ABCB7: variants seen among roughly 807,000 people sequenced by gnomAD.
ABCB7 encodes the protein ATP binding cassette subfamily B member 7, also known as iron-sulfur clusters transporter ABCB7, mitochondrial.
A neutral mutation model predicts 54.4 loss-of-function variants in ABCB7; 7 were observed. The observed-to-expected ratio is 0.13, with a 90% CI of 0.07 to 0.24. ABCB7 has a LOEUF of 0.24. ABCB7 is among the 10% of genes least tolerant of loss of function. ABCB7 has a pLI of 1.00. For synonymous variants in ABCB7, 218 were observed against 207.1 expected, an observed-to-expected ratio of 1.05 and a Z score of -0.45; for missense variants, 356 against 570.4, an observed-to-expected ratio of 0.62 and a Z score of 3.83.
chrX:75,088,846 CAA>C (rs58687438), intron 4 of ABCB7, among the ~76,000 whole-genome samples: 2 of 90,867 alleles, frequency 2.2e-5, no homozygotes, highest in Admixed American at 1.2e-4. Flanking sequence ...ACAAAAGAAA[CAA>C]AAAAAAAAAC....
intron 13 of ABCB7, 140 bp from the exon 14 acceptor site, chrX:75,062,571 T>C: frequency 2.0e-6 from 1 of 511,385 alleles, no homozygotes; most frequent in South Asian, 2.8e-5. Context: ...TACTGAGTTG[T>C]AGAGTTGAAG....
intron 3 of ABCB7, among the ~76,000 whole-genome samples, chrX:75,106,744 AT>A (rs1361900170): frequency 1.8e-5 from 2 of 111,568 alleles, no homozygotes; most frequent in Non-Finnish European, 3.8e-5. Flanking sequence ...ATCAACCTAA[AT>A]GTCCATCAAC....
chrX:75,120,862 C>T (rs1489501886), intron 1 of ABCB7, among the ~76,000 whole-genome samples: 3 of 110,391 alleles, frequency 2.7e-5, no homozygotes, highest in Non-Finnish European at 5.7e-5. Flanking sequence ...CCAGATTATC[C>T]TGGGACCTCA....
At chrX:75,101,928 A>G (rs1429281821) in intron 3 of ABCB7, among the ~76,000 whole-genome samples, 1 of 112,087 alleles carries the variant, frequency 8.9e-6, no homozygotes, top group African/African-American at 3.2e-5. Context: ...ATCATGCATT[A>G]TGAGTCCATT....
At chrX:75,125,345 AT>A (rs1271455081) in intron 1 of ABCB7, among the ~76,000 whole-genome samples, 3 of 111,988 alleles carry the variant, frequency 2.7e-5, no homozygotes, top group Non-Finnish European at 3.8e-5. Flanking sequence ...GACAAATGAT[AT>A]CTAATGAATT....
At chrX:75,097,616 G>A (rs1196570725) in intron 4 of ABCB7, 1 of 111,088 alleles carries the variant, frequency 9.0e-6, no homozygotes, top group Non-Finnish European at 1.9e-5. Flanking sequence ...AGCAAATAAA[G>A]GAGAGTATAC....
intron 1 of ABCB7, among the ~76,000 whole-genome samples, chrX:75,131,817 C>A (rs956398769): frequency 1.3e-4 from 14 of 111,895 alleles, no homozygotes; most frequent in African/African-American, 4.5e-4. Flanking sequence ...CACAACCACC[C>A]TGACACCACC....
intron 15 of ABCB7, among the ~76,000 whole-genome samples, chrX:75,058,291 C>G (rs978792775): frequency 8.1e-5 from 9 of 111,240 alleles, no homozygotes; most frequent in Non-Finnish European, 1.7e-4. Flanking sequence ...CAGTTTCCCC[C>G]AATTTGCTGG....
At chrX:75,129,249 T>C (rs2081957260) in intron 1 of ABCB7, among the ~76,000 whole-genome samples, 1 of 111,535 alleles carries the variant, frequency 9.0e-6, no homozygotes, top group Non-Finnish European at 1.9e-5. Flanking sequence ...ATACACACCA[T>C]GGAATACTAT....
At chrX:75,155,604 T>C (rs1412413481) in intron 1 of ABCB7, among the ~76,000 whole-genome samples, 2 of 111,704 alleles carry the variant, frequency 1.8e-5, no homozygotes, top group Admixed American at 9.5e-5. Flanking sequence ...AGTTACGGTT[T>C]TGGCCTATCA....
intron 4 of ABCB7, among the ~76,000 whole-genome samples, chrX:75,080,315 A>C (rs915272844): frequency 1.8e-5 from 2 of 111,483 alleles, no homozygotes; most frequent in Non-Finnish European, 3.8e-5. Flanking sequence ...ATTCTATTTT[A>C]TATCTTTGAG....
At chrX:75,143,911 T>C (rs987625173) in intron 1 of ABCB7, among the ~76,000 whole-genome samples, 5 of 111,229 alleles carry the variant, frequency 4.5e-5, no homozygotes, top group African/African-American at 1.6e-4. Context: ...AGCCAAACCA[T>C]ATCAGATGGG....
chrX:75,136,107 TG>T (rs2082007523), intron 1 of ABCB7, among the ~76,000 whole-genome samples: 1 of 110,938 alleles, frequency 9.0e-6, no homozygotes, highest in Non-Finnish European at 1.9e-5. Context: ...TCATAGTCCT[TG>T]TTCAAAGACT....
At chrX:75,112,751 T>TC in intron 3 of ABCB7, 135 bp downstream of exon 3, 1 of 402,221 alleles carries the variant, frequency 2.5e-6, no homozygotes. Flanking sequence ...AATTAATATG[T>TC]TTTTTTTTTC....
chrX:75,082,039 C>T (rs1456701636), intron 4 of ABCB7, among the ~76,000 whole-genome samples: 3 of 110,779 alleles, frequency 2.7e-5, no homozygotes, highest in Admixed American at 9.6e-5. Flanking sequence ...AAAGTACCAA[C>T]GAAATAATGG....
In ABCB7 at chrX:75,069,081, T is replaced by C; in HGVS notation, c.1585A>G (p.Ile529Val). The C allele has an allele frequency of 8.3e-7, 1 of 1,209,044 alleles. No individual in the cohort carries two copies. The highest frequency in any genetic ancestry group is 1.1e-6 in the Non-Finnish European group (1 of 892,973). Residue 529 changes from isoleucine (I) to valine (V), a missense_variant, in exon 12 of 16, where the codon ATT becomes GTT. Physicochemically the swap from Ile to Val is conservative, Grantham distance 29 (BLOSUM62 3). Around this residue, in one of 2 missense-constraint regions of ABCB7, gnomAD observed 241 missense variants for 470.9 expected, o/e 0.51. Coordinates refer to ENST00000373394, the MANE Select transcript of ABCB7 (RefSeq NM_001271696.3). ...TGTATATTTTGACCAGCAAGATAAA[T>C]GCTACCCTTTTGAGGCTCATAGAAG... ...FRFYEPQKGS[I>V]YLAGQNIQDV...
chrX:75,053,332 A>G lies in ABCB7; in HGVS notation c.*38T>C, dbSNP rs1298970824. On this transcript the variant is annotated 3_prime_UTR_variant, in exon 16 of 16. Coordinates refer to ENST00000373394, the MANE Select transcript of ABCB7 (RefSeq NM_001271696.3). Reference sequence around the variant, plus strand: ...CAATTCTGCTTCAGTGCAAATATGTAGTCCAAAACAACAAAAAAAGAAAAT... The same window carrying G: ...CAATTCTGCTTCAGTGCAAATATGTGGTCCAAAACAACAAAAAAAGAAAAT... 8.3e-7 allele frequency: 1 copy of G among 1,206,192 alleles called. No individual in the cohort carries two copies. Among genetic ancestry groups the G allele is most frequent in the Admixed American group, 2.2e-5 (1 of 46,022 alleles).
chrX:75,075,220 A>T, intron 6 of ABCB7, 142 bp downstream of exon 6: 2 of 665,478 alleles, frequency 3.0e-6, no homozygotes, highest in Non-Finnish European at 4.5e-6. Flanking sequence ...GTGGCAAAAT[A>T]ATTAAACTGC....
intron 1 of ABCB7, among the ~76,000 whole-genome samples, chrX:75,119,344 AT>A (rs1383059470): frequency 1.8e-5 from 2 of 112,286 alleles, no homozygotes; most frequent in African/African-American, 6.5e-5. Context: ...TTTGTGAAAA[AT>A]TAATCCTGTA....
Sources: allele counts gnomAD v4.1 joint callset (sites outside exome capture counted in the v4.1 genomes callset), GRCh38; gene constraint gnomAD v4.1.1; regional missense constraint gnomAD v4.1.1; transcripts MANE v1.5; gene names NCBI Gene and HGNC (gene_info 2026-07-23, HGNC 2026-07-21).